NOX4: variants seen among roughly 807,000 people sequenced by gnomAD.
NOX4 encodes kidney oxidase-1.
Under a neutral mutation model 87.6 loss-of-function variants are expected in NOX4, and 69 were observed. The observed-to-expected ratio is 0.79, with a 90% CI of 0.65 to 0.96. The LOEUF (loss-of-function observed/expected upper bound fraction) is 0.96. Ranked by LOEUF, NOX4 falls within the 40% of genes least tolerant of loss-of-function variation. The pLI is 0.00. For missense variants in NOX4, 680 were observed against 681.5 expected, an observed-to-expected ratio of 1.00 and a Z score of 0.02; for synonymous variants, 275 against 238.2, an observed-to-expected ratio of 1.15 and a Z score of -1.42.
chr11:89,460,478 C>A (rs190346918), intron 2 of NOX4, among the ~76,000 whole-genome samples: 1 of 152,062 alleles, frequency 6.6e-6, no homozygotes, highest in East Asian at 1.9e-4. Context: ...AAAAACAACC[C>A]CATCAAAAAG....
At position 89,488,330 on chromosome 11, in the gene NOX4, G is replaced by A. The variant is rs575013682; in HGVS notation, c.153+2128C>T. The stretch of plus-strand genomic sequence containing the variant: ...GCCCTATGTGTCAGCAGTCCTTGAA[G>A]CTCATTACCCTGTCTGTTATTCAAG... On this transcript the variant is annotated intron_variant, in intron 2 of 17. Transcript: ENST00000263317. 1.1e-4 allele frequency among the ~76,000 whole-genome samples: 16 copies of A among 151,766 alleles called. No individual in the cohort carries two copies. In the East Asian group the frequency reaches 3.1e-3, roughly 30 times the overall value.
intron 12 of NOX4, among the ~76,000 whole-genome samples, chr11:89,362,391 A>G (rs1938595998): frequency 6.6e-6 from 1 of 152,024 alleles, no homozygotes; most frequent in Non-Finnish European, 1.5e-5. Context: ...CCTCTGTGGC[A>G]TGTGCAGGCG....
intron 11 of NOX4, among the ~76,000 whole-genome samples, chr11:89,382,350 C>G (rs1940350655): frequency 6.6e-6 from 1 of 152,080 alleles, no homozygotes; most frequent in African/African-American, 2.4e-5. Flanking sequence ...CACTTGACCC[C>G]AATACAAACT....
the NOX4 span, among the ~76,000 whole-genome samples, chr11:89,517,601 G>A: frequency 1.3e-5 from 2 of 151,264 alleles, no homozygotes; most frequent in African/African-American, 4.9e-5. Flanking sequence ...TGTTTTCTGA[G>A]TAGCTAGGTA....
intron 13 of NOX4, among the ~76,000 whole-genome samples, chr11:89,350,009 T>C (rs1236744824): frequency 6.6e-6 from 1 of 152,234 alleles, no homozygotes; most frequent in Non-Finnish European, 1.5e-5. Flanking sequence ...CTCCAACCTA[T>C]AAATCAACAA....
chr11:89,478,522 T>G (rs548111247), intron 2 of NOX4, among the ~76,000 whole-genome samples: 1 of 152,350 alleles, frequency 6.6e-6, no homozygotes, highest in Admixed American at 6.5e-5. Context: ...ATATTTGAGC[T>G]GATAGACACT....
chr11:89,351,015 T>C (rs941001974), intron 13 of NOX4, among the ~76,000 whole-genome samples: 14 of 152,224 alleles, frequency 9.2e-5, no homozygotes, highest in Non-Finnish European at 1.3e-4. Context: ...AAAGCTGAGA[T>C]AGGCATAAAG....
At chr11:89,369,756 G>C (rs886791180) in intron 12 of NOX4, among the ~76,000 whole-genome samples, 4 of 150,914 alleles carry the variant, frequency 2.7e-5, no homozygotes, top group African/African-American at 7.3e-5. Flanking sequence ...TTGTTTGTTT[G>C]TTTGTTTGTT....
At chr11:89,482,135 G>A (rs1022789618) in intron 2 of NOX4, among the ~76,000 whole-genome samples, 5 of 151,922 alleles carry the variant, frequency 3.3e-5, no homozygotes, top group Non-Finnish European at 7.4e-5. Flanking sequence ...TGTAGGGTAG[G>A]GCTAAGAATA....
upstream of NOX4, among the ~76,000 whole-genome samples, chr11:89,500,682 T>A (rs1947007399): frequency 6.6e-6 from 1 of 152,152 alleles, no homozygotes; most frequent in African/African-American, 2.4e-5. Context: ...GCTTTAAGCA[T>A]GAATTTAAGG....
the NOX4 span, among the ~76,000 whole-genome samples, chr11:89,584,046 G>A: frequency 6.6e-5 from 10 of 152,038 alleles, no homozygotes; most frequent in East Asian, 1.7e-3. Context: ...TGTTACTATC[G>A]TAACAGTAAG....
intron 8 of NOX4, among the ~76,000 whole-genome samples, chr11:89,413,349 A>G (rs1316093323): frequency 6.6e-6 from 1 of 152,174 alleles, no homozygotes; most frequent in East Asian, 1.9e-4. Flanking sequence ...AAAGAAAAGA[A>G]ATCAGTATAT....
At chr11:89,376,775 G>A (rs1394933116) in intron 11 of NOX4, among the ~76,000 whole-genome samples, 4 of 152,136 alleles carry the variant, frequency 2.6e-5, no homozygotes, top group Non-Finnish European at 5.9e-5. Flanking sequence ...CCAGATACTC[G>A]GGAGGCTGAG....
At chr11:89,574,889 A>T in the NOX4 span, among the ~76,000 whole-genome samples, 1 of 152,212 alleles carries the variant, frequency 6.6e-6, no homozygotes, top group East Asian at 1.9e-4. Flanking sequence ...GTCATTAAAG[A>T]TATTGCTAGT....
At chr11:89,525,312 G>T in the NOX4 span, among the ~76,000 whole-genome samples, 18 of 151,972 alleles carry the variant, frequency 1.2e-4, no homozygotes, top group Non-Finnish European at 2.7e-4. Context: ...TTTCTAAAGT[G>T]GTTGTACCAT....
At chr11:89,494,544 G>A (rs1381580987), upstream of NOX4, among the ~76,000 whole-genome samples, 1 of 152,150 alleles carries the variant, frequency 6.6e-6, no homozygotes, top group Non-Finnish European at 1.5e-5. Context: ...TTAGCACATA[G>A]CTTGACACAT....
chr11:89,473,614 C>G (rs900582872), intron 2 of NOX4, among the ~76,000 whole-genome samples: 1 of 152,086 alleles, frequency 6.6e-6, no homozygotes, highest in African/African-American at 2.4e-5. Flanking sequence ...GTCTCCTAAG[C>G]ATAGCCTACT....
chr11:89,366,837 T>C (rs1939036942), intron 12 of NOX4, among the ~76,000 whole-genome samples: 4 of 152,200 alleles, frequency 2.6e-5, no homozygotes, highest in Non-Finnish European at 2.9e-5. Flanking sequence ...TACTAAGCAA[T>C]TTTTATATTT....
chr11:89,411,234 T>C (rs1357634273), intron 8 of NOX4, among the ~76,000 whole-genome samples: 3 of 152,162 alleles, frequency 2.0e-5, no homozygotes, highest in Non-Finnish European at 4.4e-5. Context: ...ACCCACGCAG[T>C]ACTCGCCATG....
Sources: allele counts gnomAD v4.1 joint callset (sites outside exome capture counted in the v4.1 genomes callset), GRCh38; gene constraint gnomAD v4.1.1; transcripts MANE v1.5; gene names NCBI Gene and HGNC (gene_info 2026-07-23, HGNC 2026-07-21).